OGDH: variants seen among roughly 807,000 people sequenced by gnomAD.
OGDH encodes 2-oxoglutarate dehydrogenase complex component E1.
OGDH carries 38 observed loss-of-function variants against 116.6 expected under a neutral mutation model. The ratio of observed to expected loss-of-function variants is 0.33; its 90% CI spans 0.25 to 0.43. The LOEUF (loss-of-function observed/expected upper bound fraction) is 0.43, where lower values mean the gene tolerates loss of function less well. Ranked by LOEUF, OGDH falls within the 20% of genes least tolerant of loss-of-function variation. OGDH has a pLI of 1.00. For missense variants in OGDH, 825 were observed against 1,357.2 expected (o/e 0.61, Z 6.16); for synonymous variants, 488 against 533.3 (o/e 0.92, Z 1.17).
chr7:44,677,351 T>C (rs993685440), intron 9 of OGDH, among the ~76,000 whole-genome samples: 1 of 151,848 alleles, frequency 6.6e-6, no homozygotes, highest in African/African-American at 2.4e-5. Flanking sequence ...TGTGCAGGGG[T>C]GTGGGCTAGA....
intron 5 of OGDH, among the ~76,000 whole-genome samples, chr7:44,671,035 A>T (rs1207039112): frequency 6.6e-6 from 1 of 151,048 alleles, no homozygotes; most frequent in Non-Finnish European, 1.5e-5. Flanking sequence ...AAAAGAAAAG[A>T]AAAAAAAGAA....
At chr7:44,675,110 C>T (rs1049989857) in intron 7 of OGDH, 68 bp from the exon 8 acceptor site, 16 of 1,260,334 alleles carry the variant, frequency 1.3e-5, no homozygotes, top group African/African-American at 5.9e-5. Context: ...GGGATTGTAA[C>T]ACCCTCATCT....
chr7:44,637,902 G>T (rs778694863), intron 2 of OGDH, among the ~76,000 whole-genome samples: 1 of 152,152 alleles, frequency 6.6e-6, no homozygotes, highest in South Asian at 2.1e-4. Context: ...TTTATGTGTG[G>T]TAAGAACTTC....
intron 20 of OGDH, among the ~76,000 whole-genome samples, chr7:44,701,931 C>T (rs534145860): frequency 3.9e-5 from 6 of 152,150 alleles, no homozygotes; most frequent in African/African-American, 9.6e-5. Context: ...ATTAGCCAGG[C>T]GTAGTGCCAC....
rs765185119 is a variant in OGDH at position 44,697,091 on chromosome 7, C to T, written c.2051+27C>T. 3.2e-5 allele frequency: 52 copies of T among 1,601,974 alleles called. 1 individual carries two copies. Among genetic ancestry groups the T allele is most frequent in the Non-Finnish European group, 3.8e-5 (45 of 1,170,348 alleles). On this transcript the variant is annotated intron_variant, in intron 15 of 22. Coordinates refer to ENST00000222673, the MANE Select transcript of OGDH (RefSeq NM_002541.4). This position sits in a 1 kb window ranked among gnomAD's most constrained non-coding sequence, Gnocchi z 6.0. ...TAACGTTCTGGGCAGTTTTGTTTGC[C>T]CTCCAAAGAGTAGAAGATGGAAAGG...
intron 3 of OGDH, 121 bp from the exon 4 acceptor site, chr7:44,647,536 T>C (rs1448073498): frequency 6.5e-7 from 1 of 1,546,412 alleles, no homozygotes; most frequent in Non-Finnish European, 8.7e-7. Flanking sequence ...CAAACGTGGG[T>C]GAGAATTAAG....
intron 19 of OGDH, among the ~76,000 whole-genome samples, chr7:44,701,171 G>A (rs912996974): frequency 6.6e-6 from 1 of 152,242 alleles, no homozygotes; most frequent in Non-Finnish European, 1.5e-5. Context: ...GACAGCCCTG[G>A]TGCTTCTTGG....
chr7:44,610,848 C>G (rs1203511155), intron 1 of OGDH, among the ~76,000 whole-genome samples: 1 of 148,310 alleles, frequency 6.7e-6, no homozygotes, highest in East Asian at 2.0e-4. Flanking sequence ...ACCTCGTGAT[C>G]GACACCCCCT....
intron 9 of OGDH, among the ~76,000 whole-genome samples, chr7:44,680,878 C>T (rs1787902369): frequency 6.6e-6 from 1 of 152,142 alleles, no homozygotes; most frequent in Admixed American, 6.6e-5. Context: ...GAGCTGCTCT[C>T]CCTATCAACC....
At chr7:44,642,574 C>T (rs1411640544) in intron 2 of OGDH, among the ~76,000 whole-genome samples, 1 of 152,112 alleles carries the variant, frequency 6.6e-6, no homozygotes, top group Non-Finnish European at 1.5e-5. Context: ...AGACAATACA[C>T]CAGAAATTAA....
chr7:44,647,671 T>C lies in OGDH; in HGVS notation c.429T>C (p.His143=). Residue 143 remains histidine (H), a synonymous_variant, in exon 4 of 23, where the codon CAT becomes CAC. Transcript: ENST00000222673. ...GCCACTCATAGATACGAGGGCACCA[T>C]GTAGCACAGCTGGACCCCCTGGGGA... ...LIRAYQIRGH[H]VAQLDPLGIL... 1.9e-6 allele frequency: 3 copies of C among 1,613,986 alleles called. No individual in the cohort carries two copies. Among genetic ancestry groups the C allele is most frequent in the Non-Finnish European group, 2.5e-6 (3 of 1,179,896 alleles).
At position 44,676,149 on chromosome 7, in the gene OGDH, G is replaced by C. The variant is rs751393423; in HGVS notation, c.1206G>C (p.Lys402Asn). 1 of 1,614,144 alleles carries C rather than the reference G, an allele frequency of 6.2e-7. No homozygotes were observed. Among genetic ancestry groups the C allele is most frequent in the Non-Finnish European group, 8.5e-7 (1 of 1,180,024 alleles). Residue 402 changes from lysine to asparagine, a missense_variant and splice_region_variant, in exon 9 of 23, where the codon AAG (lysine) becomes AAC (asparagine). This residue lies in a region of OGDH where 146 missense variants were observed against 317.3 expected (regional missense o/e 0.46). Transcript: ENST00000222673. Reference protein sequence around the residue: ...QFYCGDTEGKKVMSILLHGDA... With the variant: ...QFYCGDTEGKNVMSILLHGDA... ...ACTGTGGCGACACTGAAGGGAAAAA[G>C]GTAAGGCCCAGAGAGAGGCGTGCAA...
chr7:44,661,312 TC>T (rs1786928960), intron 4 of OGDH, among the ~76,000 whole-genome samples: 4 of 152,224 alleles, frequency 2.6e-5, no homozygotes, highest in African/African-American at 9.6e-5. Context: ...CATTTTTTCC[TC>T]CCTTTACTTC....
At chr7:44,629,929 G>T (rs1306142592) in intron 2 of OGDH, among the ~76,000 whole-genome samples, 1 of 152,132 alleles carries the variant, frequency 6.6e-6, no homozygotes, top group Admixed American at 6.5e-5. Flanking sequence ...TCACGTGTCA[G>T]CTCCTAAAGT....
intron 12 of OGDH, among the ~76,000 whole-genome samples, chr7:44,695,571 C>T (rs1788545258): frequency 6.6e-6 from 1 of 152,052 alleles, no homozygotes; most frequent in African/African-American, 2.4e-5. Flanking sequence ...GGCGTGGTGG[C>T]ACGCACTTGT....
chr7:44,609,470 A>G lies in OGDH; in HGVS notation c.-28+2817A>G, dbSNP rs556613162. The stretch of plus-strand genomic sequence containing the variant: ...GGCTGCGGTGAGCCGAGATCGCGCC[A>G]CTGCACTCCAGCATGAGTGACAGAG... On this transcript the variant is annotated intron_variant, in intron 1 of 22. Transcript: ENST00000222673. Among the ~76,000 whole-genome samples, 8 of 150,310 alleles carry G rather than the reference A, an allele frequency of 5.3e-5. No homozygotes were observed. In the South Asian group the frequency reaches 1.7e-3, roughly 32 times the overall value.
chr7:44,690,600 C>T (rs537834358), intron 10 of OGDH, among the ~76,000 whole-genome samples: 15 of 152,276 alleles, frequency 9.9e-5, no homozygotes, highest in East Asian at 3.9e-4. Context: ...ATAACCCTGC[C>T]GGTAGAGTGC....
At chr7:44,682,397 A>G (rs1339695174) in intron 10 of OGDH, among the ~76,000 whole-genome samples, 1 of 151,120 alleles carries the variant, frequency 6.6e-6, no homozygotes, top group Admixed American at 6.6e-5. Context: ...AAAAAAAAAA[A>G]GAAAAGAAAA....
chr7:44,657,640 A>T (rs1786750343), intron 4 of OGDH, among the ~76,000 whole-genome samples: 3 of 152,094 alleles, frequency 2.0e-5, no homozygotes, highest in Admixed American at 6.5e-5. Context: ...GCTTGATGAC[A>T]TCCAGTTTAT....
Sources: gnomAD v4.1 joint callset for allele counts (sites outside exome capture counted in the v4.1 genomes callset) on GRCh38, gnomAD v4.1.1 for gene constraint, gnomAD v4.1.1 regional missense constraint, Gnocchi (gnomAD v3.1) non-coding constraint, MANE v1.5 for transcripts, NCBI Gene and HGNC (gene_info 2026-07-23, HGNC 2026-07-21) for gene names.